HPSE2: variants seen among roughly 807,000 people sequenced by gnomAD.
HPSE2 encodes the protein inactive heparanase-2.
In HPSE2, 38 loss-of-function variants were observed where a neutral mutation model predicts 60.5. That is an observed-to-expected ratio of 0.63 (90% CI 0.48 to 0.82). The LOEUF is 0.82. Among genes scored for constraint, HPSE2 ranks in the 40% least tolerant of loss-of-function variants. HPSE2 has a pLI of 0.00. For missense variants in HPSE2, 713 were observed against 740.4 expected (o/e 0.96, Z 0.43); for synonymous variants, 295 against 293.2 (o/e 1.01, Z -0.06).
At chr10:98,649,958 T>TA (rs1565048004) in intron 6 of HPSE2, among the ~76,000 whole-genome samples, 1 of 152,176 alleles carries the variant, frequency 6.6e-6, no homozygotes, top group East Asian at 1.9e-4. Context: ...AGGGTAAAGA[T>TA]AGTTTACTGA....
At chr10:99,038,335 A>G (rs1957656048) in intron 3 of HPSE2, among the ~76,000 whole-genome samples, 1 of 152,192 alleles carries the variant, frequency 6.6e-6, no homozygotes, top group South Asian at 2.1e-4. Context: ...ACTTGGCAAT[A>G]AAAAGAAATG....
chr10:99,132,233 G>GAA (rs1179689093), intron 3 of HPSE2, among the ~76,000 whole-genome samples: 57 of 17,584 alleles, frequency 3.2e-3, no homozygotes, highest in East Asian at 6.7e-3. Flanking sequence ...GAGAGAGAGA[G>GAA]AGAGAGAGAG....
At chr10:99,097,352 C>T (rs1434185275) in intron 3 of HPSE2, among the ~76,000 whole-genome samples, 1 of 152,156 alleles carries the variant, frequency 6.6e-6, no homozygotes, top group Non-Finnish European at 1.5e-5. Context: ...AAAGCAAAGC[C>T]TCTTTTACAT....
intron 9 of HPSE2, among the ~76,000 whole-genome samples, chr10:98,613,311 T>C (rs894788041): frequency 2.0e-5 from 3 of 152,340 alleles, no homozygotes; most frequent in South Asian, 4.1e-4. Flanking sequence ...CAATCCTCTA[T>C]GGTTCCATGC....
intron 4 of HPSE2, among the ~76,000 whole-genome samples, chr10:98,731,877 C>T (rs754070100): frequency 3.9e-5 from 6 of 152,038 alleles, no homozygotes; most frequent in African/African-American, 1.4e-4. Flanking sequence ...ACAGAAAATC[C>T]TAAGGAATCC....
At chr10:98,616,454 G>A (rs1945911831) in intron 8 of HPSE2, among the ~76,000 whole-genome samples, 1 of 152,102 alleles carries the variant, frequency 6.6e-6, no homozygotes, top group South Asian at 2.1e-4. Flanking sequence ...GGAAAATTAC[G>A]CATAGTTATG....
intron 4 of HPSE2, among the ~76,000 whole-genome samples, chr10:98,743,543 C>A (rs575203676): frequency 5.9e-5 from 9 of 152,278 alleles, no homozygotes; most frequent in Middle Eastern, 3.4e-3. Flanking sequence ...CAATGTTCCA[C>A]AGAACACACA....
intron 6 of HPSE2, among the ~76,000 whole-genome samples, chr10:98,658,378 C>T (rs865978946): frequency 6.6e-6 from 1 of 152,200 alleles, no homozygotes; most frequent in East Asian, 1.9e-4. Context: ...ATAATTTTCA[C>T]ATCACAAGGT....
the HPSE2 span, among the ~76,000 whole-genome samples, chr10:99,292,467 T>C: frequency 6.6e-6 from 1 of 152,272 alleles, no homozygotes; most frequent in Admixed American, 6.5e-5. Context: ...GCTTACCACA[T>C]GCTCGGCACT....
chr10:99,013,517 G>T (rs927827299), intron 3 of HPSE2: 10 of 326,536 alleles, frequency 3.1e-5, no homozygotes, highest in Non-Finnish European at 6.0e-5. Context: ...TGTCACCCAG[G>T]CTGGAGTGTA....
At chr10:98,670,203 A>G (rs1407233538) in intron 6 of HPSE2, among the ~76,000 whole-genome samples, 1 of 152,154 alleles carries the variant, frequency 6.6e-6, no homozygotes, top group Non-Finnish European at 1.5e-5. Flanking sequence ...AGGCCACTCT[A>G]AGGGCTTTGG....
chr10:98,509,963 A>C (rs1942334178), intron 9 of HPSE2, among the ~76,000 whole-genome samples: 1 of 151,948 alleles, frequency 6.6e-6, no homozygotes, highest in African/African-American at 2.4e-5. Flanking sequence ...GGACACACAC[A>C]CACACACGCA....
chr10:99,180,849 C>A (rs1046529225), intron 2 of HPSE2, among the ~76,000 whole-genome samples: 7 of 140,702 alleles, frequency 5.0e-5, no homozygotes, highest in Non-Finnish European at 6.0e-5. Context: ...AAGACTGAGC[C>A]ACTGCACTCC....
rs548391465 is a variant in HPSE2, at chr10:99,048,079, GA to G, written c.610+96158del. 2.3e-4 allele frequency: 189 copies of G among 809,888 alleles called. 1 individual carries two copies. In the Middle Eastern group the frequency reaches 7.9e-3, roughly 34 times the overall value. 50.2% of individuals were successfully genotyped at this position (809,888 alleles called of 1,614,324 possible). The stretch of plus-strand genomic sequence containing the variant: ...ATATTGCATGGGGGTACCCAAATAT[GA>G]AGTCAGTAAATGAACTAATCTACAA... On this transcript the variant is annotated intron_variant, in intron 3 of 11. Coordinates refer to ENST00000370552, the MANE Select transcript of HPSE2 (RefSeq NM_021828.5).
At chr10:98,494,268 A>G (rs1467934031) in intron 9 of HPSE2, among the ~76,000 whole-genome samples, 1 of 152,144 alleles carries the variant, frequency 6.6e-6, no homozygotes, top group Non-Finnish European at 1.5e-5. Context: ...CATCCACCCT[A>G]CTGCTATGTC....
Position 98,537,403 on chromosome 10 carries a change from A to G in HPSE2, c.1321-47207T>C, listed in dbSNP as rs1442531863. Among the ~76,000 whole-genome samples the G allele has an allele frequency of 2.0e-5, 3 of 152,366 alleles. No homozygotes were observed. The East Asian group carries it at 5.8e-4, about 29-fold the overall frequency. ...GACTGAAGGCACAAACTGTTTCAGT[A>G]TAATAAAGAAAATAGTTAGAATAAG... On this transcript the variant is annotated intron_variant, in intron 9 of 11. Transcript: ENST00000370552.
At chr10:99,043,149 C>T (rs1453536437) in intron 3 of HPSE2, among the ~76,000 whole-genome samples, 2 of 152,150 alleles carry the variant, frequency 1.3e-5, no homozygotes, top group Non-Finnish European at 2.9e-5. Flanking sequence ...CCAGTGTCCC[C>T]TTCCCTCCAA....
chr10:98,577,604 A>G (rs1374816010), intron 9 of HPSE2, among the ~76,000 whole-genome samples: 1 of 152,054 alleles, frequency 6.6e-6, no homozygotes, highest in East Asian at 1.9e-4. Context: ...TTGGAGAGGT[A>G]TTTTTCTCTC....
chr10:98,639,036 C>G (rs1213533191), intron 7 of HPSE2, among the ~76,000 whole-genome samples: 1 of 152,178 alleles, frequency 6.6e-6, no homozygotes, highest in East Asian at 1.9e-4. Context: ...GAGTTTATTT[C>G]TTTTCGCCCT....
Sources: gnomAD v4.1 joint callset for allele counts (sites outside exome capture counted in the v4.1 genomes callset) on GRCh38, gnomAD v4.1.1 for gene constraint, MANE v1.5 for transcripts, NCBI Gene and HGNC (gene_info 2026-07-23, HGNC 2026-07-21) for gene names.